Variants in ICE2 observed in about 807,000 individuals in gnomAD.
The protein encoded by ICE2 is interactor of little elongation complex ELL subunit 2.
ICE2 carries 87 observed loss-of-function variants against 105.4 expected under a neutral mutation model. The observed-to-expected ratio is 0.83, with a 90% CI of 0.69 to 0.99. The LOEUF (loss-of-function observed/expected upper bound fraction) is 0.99. Ranked by LOEUF, ICE2 falls within the 50% of genes least tolerant of loss-of-function variation. The probability of loss-of-function intolerance (pLI) is 0.00; values close to 1 mark genes in which losing one functional copy is unlikely to be tolerated. For synonymous variants in ICE2, 399 were observed against 392.0 expected (o/e 1.02, Z -0.21); for missense variants, 1,323 against 1,146.7 (o/e 1.15, Z -2.22).
chr15:60,428,286 T>G (rs2063380406), intron 15 of ICE2, 143 bp downstream of exon 15: 1 of 943,632 alleles, frequency 1.1e-6, no homozygotes, highest in African/African-American at 1.7e-5. Flanking sequence ...GCATACAACT[T>G]TATCCTTCCT....
intron 12 of ICE2, chr15:60,440,553 A>G (rs1259915620): frequency 6.6e-6 from 1 of 152,204 alleles, no homozygotes; most frequent in Non-Finnish European, 1.5e-5. Flanking sequence ...TATAAGCTAT[A>G]GAATTGATTC....
At chr15:60,471,795 A>AAC (rs1567013117) in intron 3 of ICE2, among the ~76,000 whole-genome samples, 2 of 150,958 alleles carry the variant, frequency 1.3e-5, no homozygotes, top group South Asian at 2.1e-4. Context: ...AAAACAAAAA[A>AAC]CAAAAAACAA....
Position 60,466,635 on chromosome 15 carries a change from C to A in ICE2, c.487G>T (p.Asp163Tyr). ...LQNSAKKCAQDYNMLSDDARL... is the reference protein window; with the variant it reads ...LQNSAKKCAQYYNMLSDDARL... Reference sequence around the variant, plus strand: ...GCATCATCAGAAAGCATATTATAATCCTGCGCACATTTCTTTGCAGAATTC... The same window carrying A: ...GCATCATCAGAAAGCATATTATAATACTGCGCACATTTCTTTGCAGAATTC... The change falls in exon 5 of 16, where the codon GAT (aspartate) becomes TAT (tyrosine). Residue 163 changes from aspartate to tyrosine, a missense_variant. Coordinates refer to ENST00000261520, the MANE Select transcript of ICE2 (RefSeq NM_024611.6). The A allele has an allele frequency of 6.2e-7, 1 of 1,611,878 alleles. No homozygotes were observed.
In ICE2 at chr15:60,473,925, T is replaced by G. The variant is rs979370639; in HGVS notation, c.146+2138A>C. 1.0e-3 allele frequency among the ~76,000 whole-genome samples: 158 copies of G among 152,186 alleles called. 1 individual carries two copies. The highest frequency in any genetic ancestry group is 5.0e-4 in the Non-Finnish European group (34 of 68,014). ...TTTTTAAAAAATTGTCTCTTTTTTT[T>G]GTAGACAGGATCTCACTCTGATGCC... On this transcript the variant is annotated intron_variant, in intron 3 of 15. Coordinates refer to ENST00000261520, the MANE Select transcript of ICE2 (RefSeq NM_024611.6).
chr15:60,442,424 A>G lies in ICE2; in HGVS notation c.2417T>C (p.Phe806Ser), dbSNP rs2063737754. ...TESLLHSNSSFYVGHIDAFTS... is the reference protein window; with the variant it reads ...TESLLHSNSSSYVGHIDAFTS... ...ACTTTTGTATAACTTACCAACATAA[A>G]ATGAGCTGTTGGAATGCAATAAACT... Residue 806 changes from phenylalanine (F) to serine (S), a missense_variant, in exon 12 of 16, where the codon TTT (phenylalanine) becomes TCT (serine). Physicochemically the swap from Phe to Ser is radical, Grantham distance 155 (BLOSUM62 -2). Coordinates refer to ENST00000261520, the MANE Select transcript of ICE2 (RefSeq NM_024611.6). 3 of 1,581,664 alleles carry G rather than the reference A, an allele frequency of 1.9e-6. No homozygotes were observed. The African/African-American group carries it at 4.1e-5, about 22-fold the overall frequency.
At chr15:60,435,833 G>C (rs2063574509) in intron 13 of ICE2, among the ~76,000 whole-genome samples, 1 of 151,898 alleles carries the variant, frequency 6.6e-6, no homozygotes, top group Non-Finnish European at 1.5e-5. Context: ...AAAATGAGCT[G>C]GGCATGCTGG....
chr15:60,473,246 GATT>G (rs1164165072), intron 3 of ICE2, among the ~76,000 whole-genome samples: 2 of 151,940 alleles, frequency 1.3e-5, no homozygotes, highest in Non-Finnish European at 1.5e-5. Flanking sequence ...GCCCAGCCAA[GATT>G]ATTTGTGTGT....
chr15:60,426,940 T>C (rs1410293744), intron 15 of ICE2, among the ~76,000 whole-genome samples: 1 of 152,246 alleles, frequency 6.6e-6, no homozygotes, highest in Non-Finnish European at 1.5e-5. Flanking sequence ...TTACTACTTC[T>C]AGTAAACTGG....
At chr15:60,424,787 T>G (rs2063304917) in intron 15 of ICE2, among the ~76,000 whole-genome samples, 1 of 152,228 alleles carries the variant, frequency 6.6e-6, no homozygotes, top group African/African-American at 2.4e-5. Context: ...ATTATGGGCA[T>G]GAGCCACCGC....
chr15:60,443,080 T>G (rs556634505), intron 11 of ICE2: 1 of 152,246 alleles, frequency 6.6e-6, no homozygotes, highest in Non-Finnish European at 1.5e-5. Flanking sequence ...TGTTTGTCAT[T>G]ATCTTCAATT....
chr15:60,463,049 T>C (rs981670686), intron 5 of ICE2, among the ~76,000 whole-genome samples: 18 of 152,192 alleles, frequency 1.2e-4, no homozygotes, highest in African/African-American at 4.1e-4. Context: ...TATTATAAAA[T>C]AGGCTTTGTG....
At chr15:60,456,107 G>A (rs181139187) in intron 6 of ICE2, among the ~76,000 whole-genome samples, 1 of 151,910 alleles carries the variant, frequency 6.6e-6, no homozygotes, top group Non-Finnish European at 1.5e-5. Context: ...TGGGTGGTAA[G>A]AAAAGAAAAT....
intron 12 of ICE2, chr15:60,442,144 T>C (rs921450625): frequency 1.2e-5 from 3 of 255,456 alleles, no homozygotes; most frequent in African/African-American, 6.8e-5. Context: ...AAACAAAAAA[T>C]TAGCTGGGCA....
At chr15:60,472,038 A>G (rs1043577553) in intron 3 of ICE2, among the ~76,000 whole-genome samples, 2 of 152,042 alleles carry the variant, frequency 1.3e-5, no homozygotes, top group Admixed American at 6.5e-5. Flanking sequence ...AGTATCTGCA[A>G]ACAGAAACTT....
chr15:60,467,189 C>T (rs972501724), intron 4 of ICE2, among the ~76,000 whole-genome samples: 2 of 152,142 alleles, frequency 1.3e-5, no homozygotes, highest in African/African-American at 4.8e-5. Flanking sequence ...TCTTGAACTC[C>T]TGATCTCAGG....
Position 60,466,900 on chromosome 15 carries a change from A to G in ICE2, c.409-187T>C, listed in dbSNP as rs959331094. ...TAAACTGTTATTAAAAACTCCACAAAATAGAAAAGCAAATGACTAAGACTA... is the reference window on the plus strand; with the variant it reads ...TAAACTGTTATTAAAAACTCCACAAGATAGAAAAGCAAATGACTAAGACTA... On this transcript the variant is annotated intron_variant, in intron 4 of 15. Coordinates refer to ENST00000261520, the MANE Select transcript of ICE2 (RefSeq NM_024611.6). Among the ~76,000 whole-genome samples the G allele has an allele frequency of 7.2e-5, 11 of 152,358 alleles. 1 individual carries two copies. The highest frequency in any genetic ancestry group is 5.9e-4 in the Admixed American group (9 of 15,306).
At chr15:60,471,563 AG>A (rs2064594566) in intron 3 of ICE2, among the ~76,000 whole-genome samples, 1 of 152,238 alleles carries the variant, frequency 6.6e-6, no homozygotes, top group Non-Finnish European at 1.5e-5. Flanking sequence ...AAATTCTAGC[AG>A]TTTAAATTGG....
intron 15 of ICE2, among the ~76,000 whole-genome samples, chr15:60,424,568 C>T (rs1480545531): frequency 3.9e-5 from 6 of 152,176 alleles, no homozygotes; most frequent in Middle Eastern, 3.4e-3. Flanking sequence ...GGACAGTTGG[C>T]GCGATCTCTG....
intron 8 of ICE2, 169 bp downstream of exon 8, chr15:60,454,834 T>A (rs953587216): frequency 5.6e-6 from 3 of 537,178 alleles, no homozygotes; most frequent in Non-Finnish European, 9.5e-6. Context: ...TAGGTATTTG[T>A]CCTAATGCTC....
Sources: allele counts gnomAD v4.1 joint callset (sites outside exome capture counted in the v4.1 genomes callset), GRCh38; gene constraint gnomAD v4.1.1; transcripts MANE v1.5; gene names NCBI Gene and HGNC (gene_info 2026-07-23, HGNC 2026-07-21).